The following NFYC variants were observed in gnomAD, a reference collection of about 807,000 sequenced individuals.
NFYC encodes nuclear transcription factor Y subunit gamma, also known as CAAT box DNA-binding protein subunit C.
A neutral mutation model predicts 53.1 loss-of-function variants in NFYC; 25 were observed. The ratio of observed to expected loss-of-function variants is 0.47; its 90% confidence interval spans 0.34 to 0.66. The LOEUF is 0.66. Among genes scored for constraint, NFYC ranks in the 30% least tolerant of loss-of-function variants. NFYC has a pLI of 0.01. For synonymous variants in NFYC, 145 were observed against 152.6 expected (o/e 0.95, Z 0.37); for missense variants, 260 against 422.7 (o/e 0.62, Z 3.38).
chr1:40,703,336 T>A (rs6679613), intron 1 of NFYC, among the ~76,000 whole-genome samples: 31,510 of 149,002 alleles, frequency 0.21, 3,339 homozygotes, highest in African/African-American at 0.23. Flanking sequence ...CAAAAAAAAA[T>A]TAAAAATTAG....
In NFYC at chr1:40,704,081, G is replaced by GT. The variant is rs11296946; in HGVS notation, c.-9+12228dup. Reference sequence around the variant, plus strand: ...GGTTTTGTCTCATAGTGATTTAAGTGTTTTTTTTTTTTTTGGAGACAGCTC... The same window carrying GT: ...GGTTTTGTCTCATAGTGATTTAAGTGTTTTTTTTTTTTTTTGGAGACAGCTC... On this transcript the variant is annotated intron_variant, in intron 1 of 9. Coordinates refer to ENST00000447388, the MANE Select transcript of NFYC (RefSeq NM_014223.5). Among the ~76,000 whole-genome samples the GT allele has an allele frequency of 8.4e-4, 114 of 135,882 alleles. 2 individuals are homozygous for GT. Among genetic ancestry groups the GT allele is most frequent in the East Asian group, 7.2e-3 (35 of 4,894 alleles). The allele number at this position is 135,882 out of a possible 152,430, so 89.1% of individuals were successfully genotyped here.
intron 1 of NFYC, among the ~76,000 whole-genome samples, chr1:40,729,660 C>T (rs1382836727): frequency 6.6e-6 from 1 of 151,652 alleles, no homozygotes; most frequent in Non-Finnish European, 1.5e-5. Context: ...AGAGGCCTAG[C>T]TCTTGGTCCA....
chr1:40,745,552 A>G (rs1645567831), intron 2 of NFYC, among the ~76,000 whole-genome samples: 1 of 152,198 alleles, frequency 6.6e-6, no homozygotes, highest in African/African-American at 2.4e-5. Context: ...TAGTAGATCT[A>G]AAACTTAAAT....
chr1:40,705,452 G>C (rs1643650822), intron 1 of NFYC, among the ~76,000 whole-genome samples: 1 of 152,206 alleles, frequency 6.6e-6, no homozygotes, highest in Non-Finnish European at 1.5e-5. Context: ...CTAAACTTTT[G>C]AGAAAAGAAT....
intron 1 of NFYC, chr1:40,709,757 TTAGATTTTGCATGTCCTTCAAC>T (rs1643875649): frequency 2.6e-5 from 4 of 152,206 alleles, no homozygotes; most frequent in Admixed American, 2.6e-4. Flanking sequence ...CTTGCTGTGT[TTAGATTTTGCATGTCCTTCAAC>T]TAGGATTTCT....
At chr1:40,704,705 T>C (rs1643610630) in intron 1 of NFYC, among the ~76,000 whole-genome samples, 1 of 152,168 alleles carries the variant, frequency 6.6e-6, no homozygotes, top group Admixed American at 6.5e-5. Flanking sequence ...AGGTCATGAT[T>C]GGGTTAATCT....
intron 4 of NFYC, among the ~76,000 whole-genome samples, chr1:40,750,084 C>T (rs545744480): frequency 1.3e-5 from 2 of 152,154 alleles, no homozygotes; most frequent in African/African-American, 2.4e-5. Flanking sequence ...TATCATCAGT[C>T]TCACTAGCTT....
intron 2 of NFYC, among the ~76,000 whole-genome samples, chr1:40,739,228 AC>A (rs1467675514): frequency 5.9e-5 from 9 of 152,204 alleles, no homozygotes; most frequent in Non-Finnish European, 2.9e-5. Flanking sequence ...TTTAGGACTT[AC>A]AGAAAAACAG....
chr1:40,764,673 C>G (rs148462317), intron 7 of NFYC, among the ~76,000 whole-genome samples: 1 of 152,332 alleles, frequency 6.6e-6, no homozygotes, highest in East Asian at 1.9e-4. Flanking sequence ...CATTTCCAGA[C>G]TCTTTAGGCA....
chr1:40,717,903 A>G (rs958267565), intron 1 of NFYC, among the ~76,000 whole-genome samples: 1 of 152,370 alleles, frequency 6.6e-6, no homozygotes, highest in African/African-American at 2.4e-5. Flanking sequence ...AGCACACACA[A>G]TTAATTACCA....
intron 2 of NFYC, among the ~76,000 whole-genome samples, chr1:40,741,270 C>T (rs1275259578): frequency 6.6e-6 from 1 of 152,056 alleles, no homozygotes; most frequent in African/African-American, 2.4e-5. Flanking sequence ...TTCTGTTTTT[C>T]GCTTTCAATC....
intron 1 of NFYC, among the ~76,000 whole-genome samples, chr1:40,716,400 GA>G (rs1322735525): frequency 6.6e-6 from 1 of 152,192 alleles, no homozygotes; most frequent in Non-Finnish European, 1.5e-5. Flanking sequence ...GGGTTAAGGA[GA>G]GCAGTAAATG....
intron 3 of NFYC, among the ~76,000 whole-genome samples, chr1:40,748,125 C>A (rs115765072): frequency 1.3e-5 from 2 of 151,314 alleles, no homozygotes; most frequent in African/African-American, 2.4e-5. Context: ...TGTGAGCCAC[C>A]GCATCTGGCC....
chr1:40,761,012 G>A (rs1646516393), intron 6 of NFYC, among the ~76,000 whole-genome samples: 1 of 152,136 alleles, frequency 6.6e-6, no homozygotes, highest in African/African-American at 2.4e-5. Flanking sequence ...GGCTCTGATT[G>A]GCTGATCATC....
intron 1 of NFYC, among the ~76,000 whole-genome samples, chr1:40,700,900 T>C (rs938108969): frequency 6.6e-6 from 1 of 152,138 alleles, no homozygotes; most frequent in African/African-American, 2.4e-5. Context: ...ATCCTCCCAC[T>C]GTGTCCCCTT....
intron 1 of NFYC, among the ~76,000 whole-genome samples, chr1:40,701,883 G>A (rs763776157): frequency 6.6e-6 from 1 of 152,190 alleles, no homozygotes; most frequent in East Asian, 1.9e-4. Flanking sequence ...TAACTAGCAC[G>A]AGGTCACTCA....
intron 1 of NFYC, among the ~76,000 whole-genome samples, chr1:40,718,945 C>T (rs1193161820): frequency 2.0e-5 from 3 of 152,170 alleles, no homozygotes; most frequent in African/African-American, 7.2e-5. Flanking sequence ...GATCTTGGCT[C>T]ACTGCAACCT....
At chr1:40,710,758 A>C (rs1643903313) in intron 1 of NFYC, among the ~76,000 whole-genome samples, 1 of 152,110 alleles carries the variant, frequency 6.6e-6, no homozygotes, top group Admixed American at 6.6e-5. Context: ...GACTGATAGG[A>C]TTTAGATTCG....
intron 2 of NFYC, among the ~76,000 whole-genome samples, chr1:40,746,933 C>G (rs1181988365): frequency 6.6e-6 from 1 of 152,114 alleles, no homozygotes; most frequent in Non-Finnish European, 1.5e-5. Flanking sequence ...TCCTCTACCC[C>G]CACTTGAAAC....
Sources: allele counts gnomAD v4.1 joint callset (sites outside exome capture counted in the v4.1 genomes callset), GRCh38; gene constraint gnomAD v4.1.1; transcripts MANE v1.5; gene names NCBI Gene and HGNC (gene_info 2026-07-23, HGNC 2026-07-21).